Variants in CTNND2 observed in about 807,000 individuals in gnomAD.
The protein encoded by CTNND2 is catenin delta 2.
CTNND2 carries 22 observed loss-of-function variants against 144.4 expected under a neutral mutation model. The ratio of observed to expected loss-of-function variants is 0.15; its 90% CI spans 0.11 to 0.22. CTNND2 has a LOEUF of 0.22. CTNND2 is among the 10% of genes least tolerant of loss of function. The pLI is 1.00. For missense variants in CTNND2, 1,353 were observed against 1,618.8 expected (o/e 0.84, Z 2.82); for synonymous variants, 751 against 695.6 (o/e 1.08, Z -1.25).
intron 1 of CTNND2, among the ~76,000 whole-genome samples, chr5:11,812,385 G>A (rs1792383659): frequency 6.6e-6 from 1 of 152,146 alleles, no homozygotes. Context: ...CTGCAAGCCA[G>A]GAAACCATCC....
chr5:11,185,509 A>G lies in CTNND2; in HGVS notation c.1975+13939T>C, dbSNP rs79808527. 2.5e-3 allele frequency among the ~76,000 whole-genome samples: 384 copies of G among 152,362 alleles called. 1 individual carries two copies. The highest frequency in any genetic ancestry group is 8.7e-3 in the African/African-American group (361 of 41,576). ...TCATGATACAGGCTCCTATTTTAGG[A>G]AACCACTTCACAGAGATTCTTCTTC... is the stretch of plus-strand genomic sequence containing the variant. On this transcript the variant is annotated intron_variant, in intron 11 of 21. Transcript: ENST00000304623.
chr5:11,181,933 G>GGT (rs1259343622), intron 11 of CTNND2, among the ~76,000 whole-genome samples: 3 of 147,996 alleles, frequency 2.0e-5, no homozygotes, highest in Non-Finnish European at 3.0e-5. Context: ...CTATGTGTGT[G>GGT]GTGTGTGTGT....
chr5:11,320,574 T>A (rs757893397), intron 9 of CTNND2, among the ~76,000 whole-genome samples: 7 of 152,212 alleles, frequency 4.6e-5, no homozygotes, highest in Non-Finnish European at 7.3e-5. Context: ...TCCACATGGC[T>A]GGGTGGGGGC....
intron 11 of CTNND2, among the ~76,000 whole-genome samples, chr5:11,161,208 A>G (rs1457093981): frequency 6.6e-6 from 1 of 152,230 alleles, no homozygotes; most frequent in African/African-American, 2.4e-5. Context: ...CTATGAAGGA[A>G]TAGCTGGGTA....
At chr5:11,048,268 A>G (rs1745487528) in intron 16 of CTNND2, among the ~76,000 whole-genome samples, 2 of 152,174 alleles carry the variant, frequency 1.3e-5, no homozygotes, top group Non-Finnish European at 2.9e-5. Flanking sequence ...AAACCAAACC[A>G]TGGCAAACAG....
intron 6 of CTNND2, among the ~76,000 whole-genome samples, chr5:11,389,693 C>A (rs1759454286): frequency 6.6e-6 from 1 of 152,140 alleles, no homozygotes; most frequent in South Asian, 2.1e-4. Context: ...TTAATTTACT[C>A]ACTGACTCAA....
At chr5:11,472,768 G>T (rs1244298922) in intron 3 of CTNND2, among the ~76,000 whole-genome samples, 1 of 152,168 alleles carries the variant, frequency 6.6e-6, no homozygotes, top group Non-Finnish European at 1.5e-5. Context: ...ATTTGAAAAA[G>T]ATGTATAATA....
At chr5:10,974,717 A>G (rs150827151) in intron 21 of CTNND2, among the ~76,000 whole-genome samples, 331 of 152,276 alleles carry the variant, frequency 2.2e-3, no homozygotes, top group African/African-American at 7.7e-3. Context: ...CTGTTTGATC[A>G]CTTTTGGGTG....
intron 2 of CTNND2, among the ~76,000 whole-genome samples, chr5:11,639,079 C>T (rs1392104321): frequency 6.6e-6 from 1 of 151,824 alleles, no homozygotes; most frequent in Non-Finnish European, 1.5e-5. Context: ...TGATTTTGCC[C>T]TCCAGGAGAC....
chr5:11,307,505 G>A (rs746323913), intron 9 of CTNND2, among the ~76,000 whole-genome samples: 3 of 152,048 alleles, frequency 2.0e-5, no homozygotes, highest in African/African-American at 7.2e-5. Context: ...AGAAAGTTTC[G>A]CTTGCTGAAC....
At chr5:11,009,992 A>G (rs933795297) in intron 18 of CTNND2, among the ~76,000 whole-genome samples, 9 of 152,370 alleles carry the variant, frequency 5.9e-5, no homozygotes, top group African/African-American at 1.9e-4. Flanking sequence ...TGAAGGAGAC[A>G]GTATGGTAGC....
chr5:11,378,813 C>T (rs1396848233), intron 7 of CTNND2, among the ~76,000 whole-genome samples: 1 of 151,948 alleles, frequency 6.6e-6, no homozygotes, highest in Admixed American at 6.6e-5. Context: ...ATAAAGTGTA[C>T]CTGGAAGCCT....
At chr5:11,472,877 G>C (rs1767358309) in intron 3 of CTNND2, among the ~76,000 whole-genome samples, 1 of 152,122 alleles carries the variant, frequency 6.6e-6, no homozygotes, top group South Asian at 2.1e-4. Flanking sequence ...TCTAAGAGGA[G>C]AGACCTTTAC....
At chr5:11,039,458 T>C (rs1744452172) in intron 16 of CTNND2, among the ~76,000 whole-genome samples, 1 of 152,214 alleles carries the variant, frequency 6.6e-6, no homozygotes. Flanking sequence ...TCTGGATTGA[T>C]CATACCAGTC....
At chr5:11,588,868 G>A (rs76140961) in intron 2 of CTNND2, 10,411 of 985,298 alleles carry the variant, frequency 0.011, 56 homozygotes, top group Non-Finnish European at 0.012. Flanking sequence ...GCGGTTCCTG[G>A]CATCCTACCC....
At chr5:11,884,994 T>C (rs1474861282) in intron 1 of CTNND2, among the ~76,000 whole-genome samples, 1 of 152,198 alleles carries the variant, frequency 6.6e-6, no homozygotes, top group Non-Finnish European at 1.5e-5. Flanking sequence ...ATCTTTGCAT[T>C]TTGGGATAAA....
At chr5:11,787,223 C>T (rs938751329) in intron 1 of CTNND2, among the ~76,000 whole-genome samples, 1 of 152,154 alleles carries the variant, frequency 6.6e-6, no homozygotes, top group African/African-American at 2.4e-5. Context: ...TTCTGAACAA[C>T]TAGAGCTAAG....
rs2149837799 is a variant in CTNND2, at chr5:11,411,617, C to CTGT, written c.355_357dup (p.Thr119dup). The CTGT allele has an allele frequency of 1.9e-6, 3 of 1,611,536 alleles. 1 individual carries two copies. In the East Asian group the frequency reaches 6.7e-5, roughly 36 times the overall value. ...ATACAGGAGTCCACCAGCTCGAGAC[C>CTGT]TGTTGTAAGCTCATCTTCGATATCT... On this transcript the variant is annotated inframe_insertion, in exon 5 of 22. Coordinates refer to ENST00000304623, the MANE Select transcript of CTNND2 (RefSeq NM_001332.4).
At chr5:11,324,556 A>G (rs1752344616) in intron 9 of CTNND2, among the ~76,000 whole-genome samples, 1 of 152,344 alleles carries the variant, frequency 6.6e-6, no homozygotes, top group South Asian at 2.1e-4. Context: ...GAAGTATTTG[A>G]GACTATTTCC....
Sources: gnomAD v4.1 joint callset for allele counts (sites outside exome capture counted in the v4.1 genomes callset) on GRCh38, gnomAD v4.1.1 for gene constraint, MANE v1.5 for transcripts, NCBI Gene and HGNC (gene_info 2026-07-23, HGNC 2026-07-21) for gene names.